Variants in C7orf33 observed in about 807,000 individuals in gnomAD.
C7orf33 encodes uncharacterized protein C7orf33.
C7orf33 carries 15 observed loss-of-function variants against 13.4 expected under a neutral mutation model. The observed-to-expected ratio is 1.12, with a 90% confidence interval of 0.75 to 1.72. The LOEUF is 1.72. Among genes scored for constraint, C7orf33 ranks in the 40% most tolerant of loss-of-function variants. The pLI is 0.00. For missense variants in C7orf33, 187 were observed against 220.3 expected (o/e 0.85, Z 0.96); for synonymous variants, 73 against 83.2 (o/e 0.88, Z 0.67).
intron 1 of C7orf33, among the ~76,000 whole-genome samples, chr7:148,598,745 TATATATATATATATATATAGAGAGAG>T (rs1271998724): frequency 1.5e-3 from 104 of 71,072 alleles, no homozygotes; most frequent in East Asian, 4.7e-3. Context: ...TATATATATA[TATATATATATATATATATAGAGAGAG>T]AGAGAGAGAG....
At position 148,598,714 on chromosome 7, in the gene C7orf33, T is replaced by A. The variant is rs191204894; in HGVS notation, c.204+7585T>A. Among the ~76,000 whole-genome samples the A allele has an allele frequency of 6.7e-3, 538 of 80,392 alleles. 24 individuals are homozygous for A. The highest frequency in any genetic ancestry group is 0.055 in the Admixed American group (362 of 6,586). 52.7% of individuals were successfully genotyped at this position (80,392 alleles called of 152,430 possible). A position where few individuals can be genotyped will look rare whatever the true frequency, so the allele number is the denominator to read the frequency against. On this transcript the variant is annotated intron_variant, in intron 1 of 2. Transcript: ENST00000307003. Reference sequence around the variant, plus strand: ...TATATATGTATATATATAAAAAAAATTTCATTCCTGGATATATATATATAT... The same window carrying A: ...TATATATGTATATATATAAAAAAAAATTCATTCCTGGATATATATATATAT...
Position 148,595,630 on chromosome 7 carries a change from C to G in C7orf33, c.204+4501C>G, listed in dbSNP as rs13236337. Among the ~76,000 whole-genome samples the G allele has an allele frequency of 9.3e-3, 828 of 88,928 alleles. 11 individuals are homozygous for G. The highest frequency in any genetic ancestry group is 0.06 in the South Asian group (135 of 2,234). The allele number at this position is 88,928 out of a possible 152,430, so 58.3% of individuals were successfully genotyped here. On this transcript the variant is annotated intron_variant, in intron 1 of 2. Coordinates refer to ENST00000307003, the MANE Select transcript of C7orf33 (RefSeq NM_145304.4). ...TATTATATATATTATATATAATATA[C>G]ATCTATATTATATAGATATAATATA...
In C7orf33 at chr7:148,592,677, G is replaced by A. The variant is rs182942948; in HGVS notation, c.204+1548G>A. ...TTACAGGTGCACGCCACCATGCCCA[G>A]CTAATTTTTGTATTTTTAGTAGAGA... On this transcript the variant is annotated intron_variant, in intron 1 of 2. Coordinates refer to ENST00000307003, the MANE Select transcript of C7orf33 (RefSeq NM_145304.4). 5.0e-4 allele frequency among the ~76,000 whole-genome samples: 76 copies of A among 151,896 alleles called. No individual in the cohort carries two copies. In the Middle Eastern group the frequency reaches 0.014, roughly 27 times the overall value.
rs867229383 is a variant in C7orf33, at chr7:148,608,408, C to T, written c.205-5634C>T. ...TCAGGCCACTGCACTCCAGCCTGGGCGACAGAGTGAGACTGCATCTCGAAA... is the reference window on the plus strand; with the variant it reads ...TCAGGCCACTGCACTCCAGCCTGGGTGACAGAGTGAGACTGCATCTCGAAA... On this transcript the variant is annotated intron_variant, in intron 1 of 2. Coordinates refer to ENST00000307003, the MANE Select transcript of C7orf33 (RefSeq NM_145304.4). Among the ~76,000 whole-genome samples, 55 of 151,864 alleles carry T rather than the reference C, an allele frequency of 3.6e-4. No homozygotes were observed. The South Asian group carries it at 4.2e-3, about 12-fold the overall frequency.
At chr7:148,592,894 G>A (rs1324443104) in intron 1 of C7orf33, among the ~76,000 whole-genome samples, 1 of 152,072 alleles carries the variant, frequency 6.6e-6, no homozygotes, top group East Asian at 1.9e-4. Context: ...AGGCTGAAGT[G>A]CAATGGCACG....
chr7:148,611,565 T>G (rs1422429493), intron 1 of C7orf33, among the ~76,000 whole-genome samples: 1 of 152,072 alleles, frequency 6.6e-6, no homozygotes, highest in African/African-American at 2.4e-5. Flanking sequence ...TGTTGCTGAG[T>G]GCCGCCTCCA....
rs139039236 is a variant in C7orf33, at chr7:148,611,266, T to C, written c.205-2776T>C. ...AGATCTAAGTGGGAACAGGCACTCC[T>C]GTTTTCATGACTGAATGTTGCATTT... On this transcript the variant is annotated intron_variant, in intron 1 of 2. Coordinates refer to ENST00000307003, the MANE Select transcript of C7orf33 (RefSeq NM_145304.4). Among the ~76,000 whole-genome samples the C allele has an allele frequency of 6.4e-3, 976 of 152,260 alleles. 13 individuals carry two copies. The highest frequency in any genetic ancestry group is 0.022 in the African/African-American group (915 of 41,548).
intron 1 of C7orf33, among the ~76,000 whole-genome samples, chr7:148,599,822 G>A (rs1261029841): frequency 1.3e-5 from 2 of 152,078 alleles, no homozygotes; most frequent in Non-Finnish European, 2.9e-5. Context: ...GGTGGCTGTG[G>A]AGAGCTGGCC....
In C7orf33 at chr7:148,614,103, C is replaced by T. The variant is rs996413461; in HGVS notation, c.266C>T (p.Pro89Leu). 1.1e-5 allele frequency: 17 copies of T among 1,614,092 alleles called. No individual in the cohort carries two copies. In the African/African-American group the frequency reaches 2.1e-4, roughly 20 times the overall value. The change falls in exon 2 of 3, where the codon CCC becomes CTC. Residue 89 changes from proline (P) to leucine (L), a missense_variant. Coordinates refer to ENST00000307003, the MANE Select transcript of C7orf33 (RefSeq NM_145304.4). The stretch of plus-strand genomic sequence containing the variant: ...GAATTTATTGCTCCTGTATCAGCTC[C>T]CACCAAATCTGGTGCCCCGTGGCAT... Reference protein sequence around the residue: ...GMEFIAPVSAPTKSGAPWHFL... With the variant: ...GMEFIAPVSALTKSGAPWHFL...
At chr7:148,606,595 CA>C (rs1796475431) in intron 1 of C7orf33, among the ~76,000 whole-genome samples, 1 of 151,972 alleles carries the variant, frequency 6.6e-6, no homozygotes, top group African/African-American at 2.4e-5. Flanking sequence ...AACAAACAAA[CA>C]AAAACGGAGT....
chr7:148,594,825 G>A (rs555223222), intron 1 of C7orf33, among the ~76,000 whole-genome samples: 2 of 152,172 alleles, frequency 1.3e-5, no homozygotes, highest in South Asian at 4.2e-4. Flanking sequence ...TGGATCATTT[G>A]TCTTCTATTC....
intron 1 of C7orf33, among the ~76,000 whole-genome samples, chr7:148,602,810 T>G (rs1210828259): frequency 6.6e-6 from 1 of 152,218 alleles, no homozygotes; most frequent in African/African-American, 2.4e-5. Context: ...TGTATTAATT[T>G]TAACATTTAT....
At chr7:148,608,732 G>A (rs760060140) in intron 1 of C7orf33, among the ~76,000 whole-genome samples, 5 of 151,984 alleles carry the variant, frequency 3.3e-5, no homozygotes, top group African/African-American at 7.3e-5. Flanking sequence ...CAGGAGAATC[G>A]CTTGAACCTG....
intron 1 of C7orf33, among the ~76,000 whole-genome samples, chr7:148,603,492 C>G (rs747772774): frequency 5.3e-5 from 8 of 151,958 alleles, no homozygotes; most frequent in Admixed American, 1.3e-4. Flanking sequence ...GGCAACAGAG[C>G]GAGACTCTGT....
intron 1 of C7orf33, among the ~76,000 whole-genome samples, chr7:148,599,820 T>G (rs893037293): frequency 5.3e-5 from 8 of 152,132 alleles, no homozygotes; most frequent in African/African-American, 1.9e-4. Context: ...TGGGTGGCTG[T>G]GGAGAGCTGG....
chr7:148,597,099 A>G (rs1402354900), intron 1 of C7orf33, among the ~76,000 whole-genome samples: 1 of 151,994 alleles, frequency 6.6e-6, no homozygotes, highest in Non-Finnish European at 1.5e-5. Flanking sequence ...GTTTGAGCCA[A>G]TTATGAATAC....
intron 1 of C7orf33, among the ~76,000 whole-genome samples, chr7:148,593,751 C>G (rs189214841): frequency 5.3e-5 from 8 of 152,136 alleles, no homozygotes; most frequent in Admixed American, 5.2e-4. Context: ...ATTGTAGAAA[C>G]GGAGACTCCC....
intron 1 of C7orf33, among the ~76,000 whole-genome samples, chr7:148,601,345 A>T (rs539915088): frequency 6.6e-6 from 1 of 151,984 alleles, no homozygotes; most frequent in African/African-American, 2.4e-5. Context: ...GTGAGCTTTT[A>T]AAATTTTTTT....
chr7:148,591,101 A>T lies in C7orf33; in HGVS notation c.176A>T (p.Asn59Ile), dbSNP rs768477392. The T allele has an allele frequency of 6.2e-7, 1 of 1,613,404 alleles. No homozygotes were observed. Among genetic ancestry groups the T allele is most frequent in the East Asian group, 2.2e-5 (1 of 44,874 alleles). Reference protein sequence around the residue: ...VHVRGGPGQFNLSYATGRHKK... With the variant: ...VHVRGGPGQFILSYATGRHKK... ...GTTAGGGGCGGTCCAGGTCAATTTAACTTGTCATATGCCACGGGAAGACAT... is the reference window on the plus strand; with the variant it reads ...GTTAGGGGCGGTCCAGGTCAATTTATCTTGTCATATGCCACGGGAAGACAT... Residue 59 changes from asparagine to isoleucine, a missense_variant, in exon 1 of 3, where the codon AAC becomes ATC. Asn to Ile is a moderately radical substitution (Grantham distance 149). Transcript: ENST00000307003.
Sources: allele counts gnomAD v4.1 joint callset (sites outside exome capture counted in the v4.1 genomes callset), GRCh38; gene constraint gnomAD v4.1.1; transcripts MANE v1.5; gene names NCBI Gene and HGNC (gene_info 2026-07-23, HGNC 2026-07-21).